Variants in CHLSN observed in about 807,000 individuals in gnomAD.
The protein encoded by CHLSN is protein cholesin.
At chr7:1,113,050 C>T in the CHLSN span, among the ~76,000 whole-genome samples, 1 of 152,184 alleles carries the variant, frequency 6.6e-6, no homozygotes, top group Non-Finnish European at 1.5e-5. Flanking sequence ...TGTATCTTGA[C>T]CGCCACAGTG....
chr7:1,127,488 A>T, the CHLSN span: 1 of 1,135,410 alleles, frequency 8.8e-7, no homozygotes, highest in South Asian at 1.7e-5. Flanking sequence ...CATTAAAAAA[A>T]AAAAAGAGTA....
At chr7:1,092,910 C>G in the CHLSN span, 1 of 1,522,152 alleles carries the variant, frequency 6.6e-7, no homozygotes, top group Non-Finnish European at 9.1e-7. Flanking sequence ...CTGCACACAC[C>G]TGGGTGGACA....
chr7:991,861 T>A, the CHLSN span, among the ~76,000 whole-genome samples: 1 of 152,122 alleles, frequency 6.6e-6, no homozygotes, highest in African/African-American at 2.4e-5. Context: ...TCCGAGTCCC[T>A]CCCCAGTCCT....
At chr7:1,091,493 C>A in the CHLSN span, 1 of 509,458 alleles carries the variant, frequency 2.0e-6, no homozygotes, top group Non-Finnish European at 3.5e-6. Context: ...ACGCGGAGGG[C>A]CCTCGCCTCC....
At chr7:1,112,454 C>T in the CHLSN span, among the ~76,000 whole-genome samples, 23 of 152,320 alleles carry the variant, frequency 1.5e-4, no homozygotes, top group Non-Finnish European at 3.4e-4. Flanking sequence ...CAAAAGGCTC[C>T]TGGAGAAAGA....
chr7:983,276 C>T, the CHLSN span: 2 of 1,544,536 alleles, frequency 1.3e-6, no homozygotes, highest in Non-Finnish European at 1.7e-6. Context: ...TGCGCCTGCG[C>T]CCAAGACCCC....
the CHLSN span, chr7:1,091,669 A>C: frequency 8.3e-7 from 1 of 1,211,492 alleles, no homozygotes; most frequent in African/African-American, 1.5e-5. Flanking sequence ...TGGATTCACC[A>C]TTTAAAACAG....
At chr7:985,201 C>T in the CHLSN span, 1 of 1,565,098 alleles carries the variant, frequency 6.4e-7, no homozygotes, top group Non-Finnish European at 8.7e-7. Context: ...GGGCTGGGCT[C>T]CCTCCAATAT....
the CHLSN span, among the ~76,000 whole-genome samples, chr7:1,061,177 T>C: frequency 1.3e-5 from 2 of 152,244 alleles, no homozygotes; most frequent in South Asian, 2.1e-4. Context: ...CTCAGTGGCT[T>C]TGGGTGCAAA....
the CHLSN span, chr7:987,680 C>T: frequency 1.2e-6 from 1 of 823,702 alleles, no homozygotes; most frequent in Non-Finnish European, 1.8e-6. Context: ...CAGCCAGGAG[C>T]AGGAGGGAGG....
chr7:1,138,129 G>A, the CHLSN span: 2 of 151,340 alleles, frequency 1.3e-5, no homozygotes, highest in South Asian at 2.0e-4. Context: ...CCGCCCCGGG[G>A]CTCTGGGTCT....
the CHLSN span, among the ~76,000 whole-genome samples, chr7:1,008,865 A>ACG: frequency 6.7e-6 from 1 of 150,078 alleles, no homozygotes; most frequent in Non-Finnish European, 1.5e-5. Context: ...ACACACGCAC[A>ACG]CACGTGTACG....
the CHLSN span, among the ~76,000 whole-genome samples, chr7:1,032,500 G>A: frequency 6.6e-6 from 1 of 151,640 alleles, no homozygotes; most frequent in Non-Finnish European, 1.5e-5. Context: ...CTCAGAGGCC[G>A]CAGCCACCCG....
the CHLSN span, among the ~76,000 whole-genome samples, chr7:1,005,442 C>T: frequency 1.3e-5 from 2 of 152,246 alleles, no homozygotes; most frequent in South Asian, 2.1e-4. Flanking sequence ...AACTGCCAGC[C>T]GCGGTGAGCT....
the CHLSN span, chr7:1,092,223 C>T: frequency 3.1e-6 from 5 of 1,612,658 alleles, no homozygotes; most frequent in Non-Finnish European, 4.2e-6. Context: ...CCATGCGCTG[C>T]AGCCTGTTCC....
the CHLSN span, among the ~76,000 whole-genome samples, chr7:1,126,919 G>A: frequency 1.3e-5 from 2 of 152,034 alleles, no homozygotes; most frequent in African/African-American, 2.4e-5. Flanking sequence ...CCCAGGTGAG[G>A]AGCCGCCCCT....
chr7:1,040,456 C>G, the CHLSN span, among the ~76,000 whole-genome samples: 1 of 152,192 alleles, frequency 6.6e-6, no homozygotes, highest in Non-Finnish European at 1.5e-5. Context: ...GATTGCACCA[C>G]TGCATTCCAG....
the CHLSN span, chr7:1,025,632 G>A: frequency 3.9e-5 from 6 of 152,246 alleles, no homozygotes; most frequent in Non-Finnish European, 7.3e-5. Context: ...GGTTGGGGGT[G>A]TGATACGGAC....
chr7:1,019,387 T>C, the CHLSN span, among the ~76,000 whole-genome samples: 289 of 152,092 alleles, frequency 1.9e-3, 1 homozygote, highest in Non-Finnish European at 3.3e-3. Flanking sequence ...CCATGCCAGG[T>C]TGTTGATCAC....
Sources: allele counts gnomAD v4.1 joint callset (sites outside exome capture counted in the v4.1 genomes callset), GRCh38; gene constraint gnomAD v4.1.1; transcripts MANE v1.5; gene names NCBI Gene and HGNC (gene_info 2026-07-23, HGNC 2026-07-21).